RBM39: variants seen among roughly 807,000 people sequenced by gnomAD.
RBM39 encodes RNA binding motif protein 39.
A neutral mutation model predicts 79.6 loss-of-function variants in RBM39; 12 were observed. The ratio of observed to expected loss-of-function variants is 0.15; its 90% confidence interval spans 0.10 to 0.24. The LOEUF is 0.24. RBM39 is among the 10% of genes least tolerant of loss of function. The probability of loss-of-function intolerance (pLI) is 1.00; values close to 1 mark genes in which losing one functional copy is unlikely to be tolerated. For missense variants in RBM39, 243 were observed against 653.4 expected (o/e 0.37, Z 6.85); for synonymous variants, 185 against 208.4 (o/e 0.89, Z 0.97).
chr20:35,739,156 T>C (rs555978781), intron 2 of RBM39, 139 bp from the exon 3 acceptor site: 1 of 781,284 alleles, frequency 1.3e-6, no homozygotes, highest in South Asian at 1.6e-5. Context: ...CATGGAAGGC[T>C]ATAAAAAAAT....
intron 3 of RBM39, among the ~76,000 whole-genome samples, chr20:35,733,173 C>T (rs1375511137): frequency 6.6e-6 from 1 of 151,864 alleles, no homozygotes; most frequent in Non-Finnish European, 1.5e-5. Flanking sequence ...CCTGATGGTG[C>T]ATGCCGGTAA....
intron 13 of RBM39, chr20:35,707,668 A>T (rs904472408): frequency 5.0e-6 from 1 of 202,004 alleles, no homozygotes; most frequent in Admixed American, 5.6e-5. Context: ...GAATTAAGAC[A>T]TATAAAATCA....
At chr20:35,738,925 A>C in intron 3 of RBM39, 43 bp downstream of exon 3, 1 of 1,558,670 alleles carries the variant, frequency 6.4e-7, no homozygotes, top group Non-Finnish European at 8.8e-7. Flanking sequence ...TAAAACCACA[A>C]AAAAGCTCAC....
At chr20:35,737,818 C>T (rs1477804842) in intron 3 of RBM39, among the ~76,000 whole-genome samples, 32 of 133,522 alleles carry the variant, frequency 2.4e-4, no homozygotes, top group Admixed American at 1.2e-3. Flanking sequence ...CACTGCACTC[C>T]AGCCTGGGCA....
Position 35,717,824 on chromosome 20 carries a change from C to G in RBM39, c.826-1019G>C, listed in dbSNP as rs540127383. Among the ~76,000 whole-genome samples, 7 of 152,160 alleles carry G rather than the reference C, an allele frequency of 4.6e-5. No homozygotes were observed. The South Asian group carries it at 1.2e-3, about 27-fold the overall frequency. On this transcript the variant is annotated intron_variant, in intron 9 of 16. Transcript: ENST00000253363. The stretch of plus-strand genomic sequence containing the variant: ...GCATCATGCTGTTGCACTCCAGCCT[C>G]AGTCACAGAGGGAGACTCTGTCTCA...
In RBM39 at chr20:35,704,465, G is replaced by A. The variant is rs765263462; in HGVS notation, c.*16C>T. ...GAAAGAAAAAAAGCTATATACATAA[G>A]GGACTATATCTTCCTTCATCGTCTA... On this transcript the variant is annotated 3_prime_UTR_variant, in exon 17 of 17. Transcript: ENST00000253363. 5 of 1,540,564 alleles carry A rather than the reference G, an allele frequency of 3.2e-6. No individual in the cohort carries two copies. Among genetic ancestry groups the A allele is most frequent in the African/African-American group, 1.4e-5 (1 of 72,678 alleles).
intron 9 of RBM39, among the ~76,000 whole-genome samples, chr20:35,717,737 C>A (rs1488493799): frequency 1.3e-5 from 2 of 152,180 alleles, no homozygotes; most frequent in East Asian, 3.8e-4. Flanking sequence ...GGTCTGTAAT[C>A]CGAGCACTTT....
At chr20:35,728,586 G>C (rs1235189222) in intron 6 of RBM39, among the ~76,000 whole-genome samples, 1 of 152,116 alleles carries the variant, frequency 6.6e-6, no homozygotes, top group Non-Finnish European at 1.5e-5. Flanking sequence ...AGACCAGCCT[G>C]ACCAACATGG....
At chr20:35,705,779 C>T (rs1242097604) in intron 14 of RBM39, among the ~76,000 whole-genome samples, 1 of 148,508 alleles carries the variant, frequency 6.7e-6, no homozygotes, top group African/African-American at 2.5e-5. Flanking sequence ...GCCTAGGTAA[C>T]TCCGTCTCAA....
chr20:35,717,349 G>C (rs2037277940), intron 9 of RBM39, among the ~76,000 whole-genome samples: 1 of 150,664 alleles, frequency 6.6e-6, no homozygotes, highest in African/African-American at 2.4e-5. Context: ...TTATGCACTG[G>C]GGAGCAGAGG....
chr20:35,733,683 C>T, intron 3 of RBM39, among the ~76,000 whole-genome samples: 1 of 152,168 alleles, frequency 6.6e-6, no homozygotes, highest in Admixed American at 6.5e-5. Context: ...GTGACCATTT[C>T]AAATACTTCC....
chr20:35,733,841 A>AT (rs2039636292), intron 3 of RBM39, among the ~76,000 whole-genome samples: 1 of 152,178 alleles, frequency 6.6e-6, no homozygotes, highest in Non-Finnish European at 1.5e-5. Context: ...AAAGCCAAAC[A>AT]TATCTTTCTG....
At position 35,705,341 on chromosome 20, in the gene RBM39, G is replaced by A. The variant is rs529089247; in HGVS notation, c.1308-11C>T. 1.4e-6 allele frequency: 2 copies of A among 1,461,836 alleles called. No individual in the cohort carries two copies. The highest frequency in any genetic ancestry group is 4.7e-5 in the East Asian group (2 of 42,748). 90.6% of individuals were successfully genotyped at this position (1,461,836 alleles called of 1,614,324 possible). A position where few individuals can be genotyped will look rare whatever the true frequency, so the allele number is the denominator to read the frequency against. On this transcript the variant is annotated splice_polypyrimidine_tract_variant and intron_variant, in intron 14 of 16. Coordinates refer to ENST00000253363, the MANE Select transcript of RBM39 (RefSeq NM_184234.3). Reference sequence around the variant, plus strand: ...CCAACTTCTTCTTCTCTGTAAGAAAGTATTAAGGACTCTTAAATACTATTG... The same window carrying A: ...CCAACTTCTTCTTCTCTGTAAGAAAATATTAAGGACTCTTAAATACTATTG...
intron 6 of RBM39, among the ~76,000 whole-genome samples, chr20:35,728,234 C>CCA (rs1971196362): frequency 6.9e-6 from 1 of 144,562 alleles, no homozygotes; most frequent in African/African-American, 2.7e-5. Flanking sequence ...AACTACTTCT[C>CCA]CACGAGGCTA....
intron 6 of RBM39, among the ~76,000 whole-genome samples, 190 bp from the exon 7 acceptor site, chr20:35,725,345 C>CA (rs1480274511): frequency 1.3e-5 from 2 of 152,160 alleles, no homozygotes; most frequent in Non-Finnish European, 2.9e-5. Context: ...ACTGTACCCT[C>CA]ACTCCTTTCC....
chr20:35,733,944 T>G (rs1405715424), intron 3 of RBM39, among the ~76,000 whole-genome samples: 2 of 152,252 alleles, frequency 1.3e-5, no homozygotes, highest in African/African-American at 4.8e-5. Context: ...TAGAGGTGCC[T>G]TCAGATATTT....
At chr20:35,712,924 T>G (rs2036622891) in intron 12 of RBM39, 95 bp downstream of exon 12, 1 of 945,938 alleles carries the variant, frequency 1.1e-6, no homozygotes, top group South Asian at 1.7e-5. Context: ...CTTGATGAAT[T>G]GAATTCTCAG....
chr20:35,734,334 CTCAT>C lies in RBM39; in HGVS notation c.102-2203_102-2200del, dbSNP rs1467077594. 93 of 818,332 alleles carry C rather than the reference CTCAT, an allele frequency of 1.1e-4. No homozygotes were observed. The Admixed American group carries it at 2.2e-3, about 20-fold the overall frequency. 50.7% of individuals were successfully genotyped at this position (818,332 alleles called of 1,614,324 possible). On this transcript the variant is annotated intron_variant, in intron 3 of 16. Transcript: ENST00000253363. ...GCACATGACAGAAAATTAGGCTACA[CTCAT>C]TATTTATATAGAACTCATCAAAGCC...
At chr20:35,718,133 ACAGGCATG>A (rs2037398286) in intron 9 of RBM39, among the ~76,000 whole-genome samples, 1 of 152,138 alleles carries the variant, frequency 6.6e-6, no homozygotes, top group South Asian at 2.1e-4. Context: ...TGCTGGGATT[ACAGGCATG>A]AGCCACTGCG....
Sources: gnomAD v4.1 joint callset for allele counts (sites outside exome capture counted in the v4.1 genomes callset) on GRCh38, gnomAD v4.1.1 for gene constraint, MANE v1.5 for transcripts, NCBI Gene and HGNC (gene_info 2026-07-23, HGNC 2026-07-21) for gene names.